The following NAALADL2 variants were observed in gnomAD, a reference collection of about 807,000 sequenced individuals.
The protein encoded by NAALADL2 is N-acetylated alpha-linked acidic dipeptidase like 2.
In NAALADL2, 76 loss-of-function variants were observed where a neutral mutation model predicts 87.2. The observed-to-expected ratio is 0.87, with a 90% CI of 0.72 to 1.05. The LOEUF (loss-of-function observed/expected upper bound fraction) is 1.05, where lower values mean the gene tolerates loss of function less well. NAALADL2 is among the 50% of genes least tolerant of loss of function. The pLI is 0.00. For synonymous variants in NAALADL2, 354 were observed against 331.0 expected (o/e 1.07, Z -0.75); for missense variants, 1,089 against 945.8 (o/e 1.15, Z -1.99).
At chr3:174,481,486 G>A (rs1717546785) in intron 1 of NAALADL2, among the ~76,000 whole-genome samples, 1 of 151,892 alleles carries the variant, frequency 6.6e-6, no homozygotes, top group Non-Finnish European at 1.5e-5. Flanking sequence ...TTGCCACGAG[G>A]TTTAGAGGCA....
chr3:174,821,558 C>T (rs1197607394), intron 3 of NAALADL2, among the ~76,000 whole-genome samples: 2 of 152,122 alleles, frequency 1.3e-5, no homozygotes, highest in African/African-American at 4.8e-5. Flanking sequence ...AGCTATCAGA[C>T]AGATTGAGCA....
intron 1 of NAALADL2, among the ~76,000 whole-genome samples, chr3:174,540,298 G>C (rs1483403772): frequency 6.6e-6 from 1 of 152,152 alleles, no homozygotes; most frequent in Non-Finnish European, 1.5e-5. Flanking sequence ...GCCAGGTGGT[G>C]GTAACTGTAT....
intron 9 of NAALADL2, among the ~76,000 whole-genome samples, chr3:175,514,333 A>G (rs1731558993): frequency 2.0e-5 from 3 of 152,216 alleles, no homozygotes; most frequent in African/African-American, 2.4e-5. Flanking sequence ...TAGGTTTATT[A>G]GAATTTATAA....
chr3:174,990,633 C>T (rs573099681), intron 1 of NAALADL2, among the ~76,000 whole-genome samples: 55 of 152,018 alleles, frequency 3.6e-4, no homozygotes, highest in African/African-American at 1.2e-3. Flanking sequence ...AAAGCTGGGT[C>T]GTACATAGGA....
intron 9 of NAALADL2, among the ~76,000 whole-genome samples, chr3:175,528,643 A>C (rs1290906120): frequency 3.3e-5 from 5 of 152,230 alleles, no homozygotes; most frequent in African/African-American, 9.7e-5. Context: ...TCAAATAAAG[A>C]CAATAATAAG....
rs540522382 is a variant in NAALADL2 at position 175,176,247 on chromosome 3, C to T, written c.546-57684C>T. On this transcript the variant is annotated intron_variant, in intron 2 of 13. Transcript: ENST00000454872. The stretch of plus-strand genomic sequence containing the variant: ...ATTTCCTTTCATTTTAATGAATTGT[C>T]GCTCATCAGACAGATGCATGGTCAT... Among the ~76,000 whole-genome samples, 109 of 151,626 alleles carry T rather than the reference C, an allele frequency of 7.2e-4. 1 individual carries two copies. Among genetic ancestry groups the T allele is most frequent in the South Asian group, 7.1e-3 (34 of 4,800 alleles).
intron 5 of NAALADL2, among the ~76,000 whole-genome samples, chr3:175,407,819 T>C (rs904010460): frequency 6.6e-6 from 1 of 152,210 alleles, no homozygotes; most frequent in Non-Finnish European, 1.5e-5. Context: ...GATTTCACGA[T>C]TAAGTTCCAT....
intron 5 of NAALADL2, among the ~76,000 whole-genome samples, chr3:175,388,583 T>C (rs938173199): frequency 6.6e-6 from 1 of 152,134 alleles, no homozygotes; most frequent in Non-Finnish European, 1.5e-5. Context: ...CCCATTTTAA[T>C]GTACGCACTT....
Position 174,813,393 on chromosome 3 carries a change from C to A in NAALADL2, c.-9+75647C>A, listed in dbSNP as rs187651559. 4.3e-5 allele frequency among the ~76,000 whole-genome samples: 6 copies of A among 139,710 alleles called. No homozygotes were observed. The East Asian group carries it at 1.2e-3, about 29-fold the overall frequency. The allele number at this position is 139,710 out of a possible 152,430, so 91.7% of individuals were successfully genotyped here. Reference sequence around the variant, plus strand: ...AAGCTTTTTTAATACTCTATTTTTACCCTACCTTTTCTATGTTTAGACACA... The same window carrying A: ...AAGCTTTTTTAATACTCTATTTTTAACCTACCTTTTCTATGTTTAGACACA... On this transcript the variant is annotated intron_variant, in intron 3 of 3. Coordinates refer to the NAALADL2 transcript ENST00000434257.
rs529374886 is a variant in NAALADL2 at position 174,787,516 on chromosome 3, TTAAAGA to T, written c.-9+49774_-9+49779del. 3.4e-3 allele frequency among the ~76,000 whole-genome samples: 479 copies of T among 142,532 alleles called. 2 individuals are homozygous for T. Among genetic ancestry groups the T allele is most frequent in the Non-Finnish European group, 5.4e-3 (353 of 65,640 alleles). 93.5% of individuals were successfully genotyped at this position (142,532 alleles called of 152,430 possible). On this transcript the variant is annotated intron_variant, in intron 3 of 3. Coordinates refer to the NAALADL2 transcript ENST00000434257. ...CATGTTTTCTTGACCTCAAGATTTG[TTAAAGA>T]TAATTTAATTTGTTACTTTTAAAGT...
chr3:175,538,352 T>G (rs2149462280), intron 9 of NAALADL2, among the ~76,000 whole-genome samples: 1 of 151,916 alleles, frequency 6.6e-6, no homozygotes, highest in South Asian at 2.1e-4. Context: ...CATTTTTTCC[T>G]CCTTAAGTAA....
At chr3:174,769,893 G>A (rs1714310490) in intron 3 of NAALADL2, among the ~76,000 whole-genome samples, 1 of 151,398 alleles carries the variant, frequency 6.6e-6, no homozygotes, top group South Asian at 2.1e-4. Context: ...AAATCTTTTG[G>A]GTTTTCAATA....
intron 5 of NAALADL2, among the ~76,000 whole-genome samples, chr3:175,421,656 C>T (rs1715717578): frequency 6.6e-6 from 1 of 151,942 alleles, no homozygotes; most frequent in Non-Finnish European, 1.5e-5. Flanking sequence ...TTGGGATAGC[C>T]ATACTTTTTT....
intron 2 of NAALADL2, among the ~76,000 whole-genome samples, chr3:175,216,926 C>G (rs1374478941): frequency 6.6e-6 from 1 of 152,046 alleles, no homozygotes; most frequent in African/African-American, 2.4e-5. Flanking sequence ...CTCAGCCTCC[C>G]AAAGGGTTGG....
intron 1 of NAALADL2, among the ~76,000 whole-genome samples, chr3:175,073,150 T>C (rs1209608893): frequency 2.0e-5 from 3 of 151,924 alleles, no homozygotes; most frequent in Non-Finnish European, 4.4e-5. Flanking sequence ...AATGTATAAA[T>C]TGAATACCAC....
intron 1 of NAALADL2, among the ~76,000 whole-genome samples, chr3:175,073,229 A>G (rs1389641320): frequency 2.0e-5 from 3 of 152,106 alleles, no homozygotes; most frequent in Non-Finnish European, 4.4e-5. Flanking sequence ...TGCTAATATC[A>G]GATTTGTTTG....
intron 1 of NAALADL2, among the ~76,000 whole-genome samples, chr3:174,917,710 CA>C (rs1734598471): frequency 6.7e-6 from 1 of 150,012 alleles, no homozygotes; most frequent in Non-Finnish European, 1.5e-5. Flanking sequence ...GTCTCACTTT[CA>C]TTTGTTTTAG....
chr3:174,625,347 C>T (rs1219710641), intron 2 of NAALADL2, among the ~76,000 whole-genome samples: 1 of 151,988 alleles, frequency 6.6e-6, no homozygotes, highest in Non-Finnish European at 1.5e-5. Context: ...CATAAGCCAC[C>T]ACGCCTGGCC....
At chr3:175,712,983 TAGTAAAGTCTTAAAA>T (rs1286322466) in intron 11 of NAALADL2, among the ~76,000 whole-genome samples, 1 of 152,084 alleles carries the variant, frequency 6.6e-6, no homozygotes, top group Non-Finnish European at 1.5e-5. Context: ...GACCTAACTG[TAGTAAAGTCTTAAAA>T]TCTGTGCCCT....
Sources: gnomAD v4.1 joint callset for allele counts (sites outside exome capture counted in the v4.1 genomes callset) on GRCh38, gnomAD v4.1.1 for gene constraint, MANE v1.5 for transcripts, NCBI Gene and HGNC (gene_info 2026-07-23, HGNC 2026-07-21) for gene names.